ALK: variants seen among roughly 807,000 people sequenced by gnomAD.
ALK encodes ALK tyrosine kinase receptor.
ALK carries 74 observed loss-of-function variants against 163.1 expected under a neutral mutation model. That is an observed-to-expected ratio of 0.45 (90% CI 0.38 to 0.55). The LOEUF is 0.55. Among genes scored for constraint, ALK ranks in the 20% least tolerant of loss-of-function variants. The pLI, the probability that ALK is intolerant of heterozygous loss-of-function variation, is 0.00. For missense variants in ALK, 2,063 were observed against 2,105.3 expected (o/e 0.98, Z 0.39); for synonymous variants, 960 against 843.2 (o/e 1.14, Z -2.40).
At chr2:29,303,473 G>C (rs754312942) in intron 8 of ALK, among the ~76,000 whole-genome samples, 30 of 152,196 alleles carry the variant, frequency 2.0e-4, no homozygotes, top group Admixed American at 7.2e-4. Context: ...AAACAGTATG[G>C]AGATTTCTCA....
chr2:29,676,653 A>C (rs901408906), intron 3 of ALK, among the ~76,000 whole-genome samples: 1 of 152,028 alleles, frequency 6.6e-6, no homozygotes, highest in African/African-American at 2.4e-5. Flanking sequence ...TTTTCCATAT[A>C]AATTTTAAGT....
chr2:29,563,726 C>T (rs1674091021), intron 3 of ALK, among the ~76,000 whole-genome samples: 2 of 152,198 alleles, frequency 1.3e-5, no homozygotes, highest in South Asian at 4.1e-4. Context: ...TATCTCTGCA[C>T]ATAGGCCAAA....
At chr2:29,548,634 G>A (rs1272682933) in intron 3 of ALK, among the ~76,000 whole-genome samples, 7 of 152,158 alleles carry the variant, frequency 4.6e-5, no homozygotes, top group Non-Finnish European at 7.3e-5. Context: ...TTTTGGAGCT[G>A]AACTTCTATA....
At chr2:29,754,129 C>T (rs1680449362) in intron 1 of ALK, among the ~76,000 whole-genome samples, 1 of 152,184 alleles carries the variant, frequency 6.6e-6, no homozygotes, top group African/African-American at 2.4e-5. Flanking sequence ...GGTTTTCTAA[C>T]TCCTAAGGCA....
chr2:29,793,966 C>T (rs1485518641), intron 1 of ALK, among the ~76,000 whole-genome samples: 2 of 152,130 alleles, frequency 1.3e-5, no homozygotes, highest in Admixed American at 6.6e-5. Flanking sequence ...AGAGAGTCAG[C>T]CTGTCCCTTG....
chr2:29,491,427 T>C (rs1305650381), intron 4 of ALK, among the ~76,000 whole-genome samples: 2 of 151,970 alleles, frequency 1.3e-5, no homozygotes, highest in African/African-American at 2.4e-5. Flanking sequence ...CTGTCTCTAC[T>C]CTCCATCTAT....
intron 1 of ALK, among the ~76,000 whole-genome samples, chr2:29,765,359 G>C (rs1680828869): frequency 6.6e-6 from 1 of 152,070 alleles, no homozygotes; most frequent in Non-Finnish European, 1.5e-5. Context: ...CCCTATCCCA[G>C]CTTCTCATGA....
At chr2:29,844,105 G>A (rs1346892714) in intron 1 of ALK, among the ~76,000 whole-genome samples, 1 of 152,216 alleles carries the variant, frequency 6.6e-6, no homozygotes, top group Non-Finnish European at 1.5e-5. Flanking sequence ...GGAAAAGGAG[G>A]TGAAGGAAAT....
intron 26 of ALK, among the ~76,000 whole-genome samples, chr2:29,198,156 C>T (rs1426201438): frequency 6.6e-6 from 1 of 152,136 alleles, no homozygotes; most frequent in African/African-American, 2.4e-5. Flanking sequence ...AGGAAGATTT[C>T]CTTAAGATAA....
At chr2:29,598,926 G>C (rs918453378) in intron 3 of ALK, among the ~76,000 whole-genome samples, 3 of 151,838 alleles carry the variant, frequency 2.0e-5, no homozygotes, top group Admixed American at 2.0e-4. Flanking sequence ...TTTGTTCCCT[G>C]TTACAAAATA....
intron 4 of ALK, among the ~76,000 whole-genome samples, chr2:29,497,136 G>C (rs965590448): frequency 1.3e-5 from 2 of 152,152 alleles, no homozygotes; most frequent in East Asian, 3.8e-4. Flanking sequence ...TCCAGGCATG[G>C]TGGTGGGCGC....
intron 22 of ALK, 136 bp downstream of exon 22, chr2:29,222,208 G>C (rs1035432751): frequency 1.3e-6 from 1 of 790,510 alleles, no homozygotes; most frequent in Non-Finnish European, 2.2e-6. Context: ...GAATGTTTGG[G>C]AGTCTCCTAC....
chr2:29,868,740 T>A (rs1666504930), intron 1 of ALK, among the ~76,000 whole-genome samples: 1 of 152,228 alleles, frequency 6.6e-6, no homozygotes, highest in Non-Finnish European at 1.5e-5. Context: ...CCACACGTTT[T>A]CCTTGTAATG....
intron 4 of ALK, among the ~76,000 whole-genome samples, chr2:29,446,158 T>C (rs75593429): frequency 1.6e-4 from 4 of 25,626 alleles, no homozygotes; most frequent in South Asian, 9.6e-4. Context: ...ACAAACAAAA[T>C]AAAACAAAAC....
chr2:29,763,381 T>G (rs1680767616), intron 1 of ALK, among the ~76,000 whole-genome samples: 1 of 152,158 alleles, frequency 6.6e-6, no homozygotes, highest in Admixed American at 6.5e-5. Flanking sequence ...GAGCTAGCTT[T>G]TTACCAGATA....
At chr2:29,281,446 C>G (rs1055297528) in intron 9 of ALK, among the ~76,000 whole-genome samples, 2 of 152,236 alleles carry the variant, frequency 1.3e-5, no homozygotes, top group African/African-American at 4.8e-5. Context: ...GGAGTCTCCT[C>G]TCTTTCCCAG....
chr2:29,409,291 G>A (rs1054451592), intron 4 of ALK, among the ~76,000 whole-genome samples: 1 of 152,148 alleles, frequency 6.6e-6, no homozygotes, highest in Non-Finnish European at 1.5e-5. Context: ...AGAAGAGAGT[G>A]TTCTCTAAGA....
At chr2:29,802,998 G>GT (rs1664524654) in intron 1 of ALK, among the ~76,000 whole-genome samples, 1 of 152,076 alleles carries the variant, frequency 6.6e-6, no homozygotes, top group African/African-American at 2.4e-5. Context: ...AAAAATAACA[G>GT]AACTTTTAAA....
intron 1 of ALK, among the ~76,000 whole-genome samples, chr2:29,805,708 G>A (rs1026860743): frequency 6.6e-6 from 1 of 152,150 alleles, no homozygotes; most frequent in African/African-American, 2.4e-5. Flanking sequence ...ATTCCATGGT[G>A]TATATGTGCC....
Sources: gnomAD v4.1 joint callset for allele counts (sites outside exome capture counted in the v4.1 genomes callset) on GRCh38, gnomAD v4.1.1 for gene constraint, MANE v1.5 for transcripts, NCBI Gene and HGNC (gene_info 2026-07-23, HGNC 2026-07-21) for gene names.